Variants in PTPRM observed in about 807,000 individuals in gnomAD.
PTPRM encodes the protein receptor-type tyrosine-protein phosphatase mu.
PTPRM carries 47 observed loss-of-function variants against 186.7 expected under a neutral mutation model. The observed-to-expected ratio is 0.25, with a 90% CI of 0.20 to 0.32. PTPRM has a LOEUF of 0.32. Among genes scored for constraint, PTPRM ranks in the 10% least tolerant of loss-of-function variants. PTPRM has a pLI of 1.00. For synonymous variants in PTPRM, 668 were observed against 674.9 expected, an observed-to-expected ratio of 0.99 and a Z score of 0.16; for missense variants, 1,494 against 1,865.0, an observed-to-expected ratio of 0.80 and a Z score of 3.66.
At chr18:7,877,180 T>G (rs997920003) in intron 2 of PTPRM, among the ~76,000 whole-genome samples, 3 of 152,208 alleles carry the variant, frequency 2.0e-5, no homozygotes, top group Non-Finnish European at 4.4e-5. Flanking sequence ...CCTTTTGCTC[T>G]TATAATTAAA....
intron 2 of PTPRM, among the ~76,000 whole-genome samples, chr18:7,792,930 T>C (rs1349011029): frequency 6.6e-6 from 1 of 152,174 alleles, no homozygotes; most frequent in East Asian, 1.9e-4. Flanking sequence ...CTCCCAGATA[T>C]TAATAAAAGT....
intron 1 of PTPRM, among the ~76,000 whole-genome samples, chr18:7,570,142 G>C (rs2036532823): frequency 6.6e-6 from 1 of 152,072 alleles, no homozygotes. Context: ...AAAGTGAAAA[G>C]TGAAGATGGC....
chr18:7,637,815 G>A lies in PTPRM; in HGVS notation c.73+69924G>A, dbSNP rs368707577. ...ATAGGGTTTCATTAGAACAGAATGC[G>A]TTTACAACTTTTGAAAATTTTCTGG... On this transcript the variant is annotated intron_variant, in intron 1 of 32. Coordinates refer to ENST00000580170, the MANE Select transcript of PTPRM (RefSeq NM_001105244.2). Among the ~76,000 whole-genome samples, 125 of 152,250 alleles carry A rather than the reference G, an allele frequency of 8.2e-4. 1 individual carries two copies. The highest frequency in any genetic ancestry group is 6.8e-3 in the Middle Eastern group (2 of 294).
intron 11 of PTPRM, among the ~76,000 whole-genome samples, chr18:8,109,693 G>A (rs1231501409): frequency 2.0e-5 from 3 of 152,060 alleles, no homozygotes; most frequent in Non-Finnish European, 2.9e-5. Flanking sequence ...GTCAAACATT[G>A]TGTTGTTTAA....
rs569038429 is a variant in PTPRM at position 8,129,658 on chromosome 18, C to T, written c.2168-13989C>T. On this transcript the variant is annotated intron_variant, in intron 13 of 32. Coordinates refer to ENST00000580170, the MANE Select transcript of PTPRM (RefSeq NM_001105244.2). Reference sequence around the variant, plus strand: ...TTTAGATTACTATTATTATAAAATACCTAGTATTTGTGAGAGTTCTTTGAA... The same window carrying T: ...TTTAGATTACTATTATTATAAAATATCTAGTATTTGTGAGAGTTCTTTGAA... Among the ~76,000 whole-genome samples, 4 of 152,128 alleles carry T rather than the reference C, an allele frequency of 2.6e-5. No homozygotes were observed. The South Asian group carries it at 8.3e-4, about 32-fold the overall frequency.
intron 13 of PTPRM, among the ~76,000 whole-genome samples, chr18:8,120,061 T>C (rs931379439): frequency 2.6e-5 from 4 of 152,150 alleles, no homozygotes; most frequent in African/African-American, 9.6e-5. Context: ...ATTTGAGGCC[T>C]TGTGGGCCAT....
chr18:8,366,955 G>A (rs1027100535), intron 23 of PTPRM: 10 of 152,312 alleles, frequency 6.6e-5, no homozygotes, highest in African/African-American at 2.4e-4. Context: ...TCAGAGCAGG[G>A]ACGCCTCCCG....
At chr18:8,386,925 C>T (rs1007781400) in intron 30 of PTPRM, 147 bp from the exon 31 acceptor site, 1 of 809,912 alleles carries the variant, frequency 1.2e-6, no homozygotes. Context: ...CATAACTCTT[C>T]AGGCCAGCAG....
intron 2 of PTPRM, among the ~76,000 whole-genome samples, chr18:7,823,701 G>A (rs1416291894): frequency 1.3e-5 from 2 of 152,172 alleles, no homozygotes; most frequent in Admixed American, 1.3e-4. Flanking sequence ...CGAACTCCAA[G>A]TTCTTTGGCT....
chr18:7,916,413 T>G (rs1320164383), intron 4 of PTPRM, among the ~76,000 whole-genome samples: 4 of 152,202 alleles, frequency 2.6e-5, no homozygotes, highest in Non-Finnish European at 4.4e-5. Flanking sequence ...CAAGAAAGAT[T>G]ATAGAAGTTA....
At chr18:8,362,074 C>T (rs1363712241) in intron 23 of PTPRM, among the ~76,000 whole-genome samples, 6 of 152,100 alleles carry the variant, frequency 3.9e-5, no homozygotes, top group Non-Finnish European at 8.8e-5. Context: ...TATCCTGCCA[C>T]CCCAGTCCTG....
chr18:8,064,342 A>G (rs1568278863), intron 7 of PTPRM, among the ~76,000 whole-genome samples: 1 of 151,430 alleles, frequency 6.6e-6, no homozygotes, highest in Non-Finnish European at 1.5e-5. Flanking sequence ...AGACTTTGGC[A>G]TTGTTACACT....
chr18:7,629,092 T>C (rs1411064744), intron 1 of PTPRM, among the ~76,000 whole-genome samples: 1 of 152,146 alleles, frequency 6.6e-6, no homozygotes, highest in Non-Finnish European at 1.5e-5. Context: ...GATGGTACAC[T>C]CATGGAAGCA....
intron 5 of PTPRM, among the ~76,000 whole-genome samples, chr18:7,940,085 GA>G (rs1201484315): frequency 6.6e-6 from 1 of 152,144 alleles, no homozygotes; most frequent in African/African-American, 2.4e-5. Context: ...TGCAGCAAAG[GA>G]ATTGGGGCTG....
intron 7 of PTPRM, among the ~76,000 whole-genome samples, chr18:8,016,349 G>A (rs1039544701): frequency 2.0e-5 from 3 of 151,696 alleles, no homozygotes; most frequent in Admixed American, 6.6e-5. Context: ...GTGAAACCTC[G>A]TCTCTACTGA....
At position 8,153,637 on chromosome 18, in the gene PTPRM, A is replaced by G. The variant is rs534809063; in HGVS notation, c.2300+9858A>G. On this transcript the variant is annotated intron_variant, in intron 14 of 32. Transcript: ENST00000580170. ...TTTAGACTTGAGCAGTCTTGTACAA[A>G]CTATCATATTCCATAGAAATTCTTA... Among the ~76,000 whole-genome samples the G allele has an allele frequency of 1.1e-4, 16 of 152,294 alleles. No individual in the cohort carries two copies. The South Asian group carries it at 3.3e-3, about 32-fold the overall frequency.
chr18:7,881,302 G>A (rs376865481), intron 2 of PTPRM, among the ~76,000 whole-genome samples: 1 of 152,090 alleles, frequency 6.6e-6, no homozygotes, highest in South Asian at 2.1e-4. Flanking sequence ...GGACACAGTG[G>A]TGCGTGCTTG....
intron 7 of PTPRM, among the ~76,000 whole-genome samples, chr18:7,987,019 C>T (rs2082999259): frequency 2.6e-5 from 4 of 152,248 alleles, no homozygotes; most frequent in South Asian, 2.1e-4. Flanking sequence ...GAGCTTCCAG[C>T]CTCCATAACT....
At position 8,367,924 on chromosome 18, in the gene PTPRM, T is replaced by G. The variant is rs552423688; in HGVS notation, c.3055-2966T>G. Among the ~76,000 whole-genome samples, 5 of 152,334 alleles carry G rather than the reference T, an allele frequency of 3.3e-5. 1 individual carries two copies. The South Asian group carries it at 8.3e-4, about 25-fold the overall frequency. ...CATCTTGTAATTAGTAAAATCATTT[T>G]TATTACTTAAGGTAAATCTTGATAA... On this transcript the variant is annotated intron_variant, in intron 23 of 32. Transcript: ENST00000580170.
Sources: gnomAD v4.1 joint callset for allele counts (sites outside exome capture counted in the v4.1 genomes callset) on GRCh38, gnomAD v4.1.1 for gene constraint, MANE v1.5 for transcripts, NCBI Gene and HGNC (gene_info 2026-07-23, HGNC 2026-07-21) for gene names.